Variants in PROSER2 observed in about 807,000 individuals in gnomAD.
PROSER2 encodes proline and serine-rich protein 2.
PROSER2 carries 18 observed loss-of-function variants against 14.6 expected under a neutral mutation model. The ratio of observed to expected loss-of-function variants is 1.23; its 90% CI spans 0.85 to 1.83. The LOEUF is 1.83. PROSER2 is among the 40% of genes most tolerant of loss of function. PROSER2 has a pLI of 0.00. For synonymous variants in PROSER2, 367 were observed against 286.4 expected, an observed-to-expected ratio of 1.28 and a Z score of -2.84; for missense variants, 823 against 629.8, an observed-to-expected ratio of 1.31 and a Z score of -3.28.
At chr10:11,859,203 T>C (rs1475535903) in intron 2 of PROSER2, among the ~76,000 whole-genome samples, 1 of 151,440 alleles carries the variant, frequency 6.6e-6, no homozygotes, top group African/African-American at 2.4e-5. Flanking sequence ...GGGTAGATCA[T>C]TTGAGGTCAG....
At chr10:11,851,436 A>C (rs1021011380) in intron 1 of PROSER2, 9 of 152,200 alleles carry the variant, frequency 5.9e-5, no homozygotes, top group African/African-American at 2.2e-4. Context: ...CCATGGTAAC[A>C]TGTTAGCTCT....
intron 2 of PROSER2, among the ~76,000 whole-genome samples, chr10:11,858,892 C>G (rs1834176227): frequency 6.6e-6 from 1 of 151,014 alleles, no homozygotes; most frequent in African/African-American, 2.4e-5. Context: ...GCCTATAGTC[C>G]CAGCTACTCA....
At chr10:11,867,745 G>C (rs1012059294) in intron 3 of PROSER2, among the ~76,000 whole-genome samples, 1 of 152,240 alleles carries the variant, frequency 6.6e-6, no homozygotes, top group Admixed American at 6.5e-5. Context: ...CTCACGTCCT[G>C]CTGTGCGCCC....
intron 1 of PROSER2, among the ~76,000 whole-genome samples, chr10:11,834,467 G>A (rs1161248051): frequency 6.7e-6 from 1 of 149,968 alleles, no homozygotes; most frequent in Admixed American, 6.7e-5. Flanking sequence ...GGGCGTGGTG[G>A]CTCATGCCTG....
chr10:11,839,733 G>A (rs1016601233), intron 1 of PROSER2, among the ~76,000 whole-genome samples: 3 of 150,638 alleles, frequency 2.0e-5, no homozygotes, highest in African/African-American at 7.3e-5. Flanking sequence ...GCTGAGGCAG[G>A]AGAATCGCTT....
intron 2 of PROSER2, among the ~76,000 whole-genome samples, chr10:11,864,665 T>A (rs1357626496): frequency 6.6e-6 from 1 of 151,436 alleles, no homozygotes; most frequent in Admixed American, 6.6e-5. Context: ...CTTGGCTCAC[T>A]GCAACCTCTG....
At chr10:11,846,603 C>T (rs1032357419) in intron 1 of PROSER2, among the ~76,000 whole-genome samples, 17 of 152,100 alleles carry the variant, frequency 1.1e-4, no homozygotes, top group South Asian at 2.1e-4. Context: ...TTTTTTAGGT[C>T]GATAGCATTT....
chr10:11,859,388 C>T lies in PROSER2; in HGVS notation c.139-7143C>T, dbSNP rs531262957. ...GTTGCAGTGAGCCAAGATCACACCA[C>T]TGCACTCCAAGCTGGGAGACAGAGT... On this transcript the variant is annotated intron_variant, in intron 2 of 3. Transcript: ENST00000277570. 6.6e-5 allele frequency among the ~76,000 whole-genome samples: 10 copies of T among 152,278 alleles called. No homozygotes were observed. In the East Asian group the frequency reaches 1.5e-3, roughly 23 times the overall value.
intron 2 of PROSER2, chr10:11,863,070 T>C (rs935310280): frequency 2.0e-5 from 3 of 152,224 alleles, no homozygotes; most frequent in Non-Finnish European, 4.4e-5. Flanking sequence ...TCCCTAGCAA[T>C]GTTCTGCCTG....
Position 11,869,733 on chromosome 10 carries a change from C to T in PROSER2, c.635C>T (p.Ser212Leu), listed in dbSNP as rs780835062. 2.6e-5 allele frequency: 41 copies of T among 1,588,556 alleles called. 2 individuals are homozygous for T. Among genetic ancestry groups the T allele is most frequent in the Middle Eastern group, 3.3e-4 (2 of 5,972 alleles). ...AGGATGGCGGGGAACGAAGCCCTCT[C>T]GCCCACCTCCCCGTTCAGGGAGGGC... The part of the protein sequence containing the change: ...SERMAGNEAL[S>L]PTSPFREGRP... The change falls in exon 4 of 4, where the codon TCG (serine) becomes TTG (leucine). Residue 212 changes from serine (S) to leucine (L), a missense_variant. Transcript: ENST00000277570. The surrounding 1 kb of genome is among the most constrained non-coding windows in gnomAD (Gnocchi z 4.4).
intron 1 of PROSER2, 46 bp from the exon 2 acceptor site, chr10:11,851,949 TAC>T (rs1247430552): frequency 9.3e-6 from 9 of 971,658 alleles, no homozygotes; most frequent in Non-Finnish European, 1.2e-5. Context: ...TGAGGCGTTT[TAC>T]AGTCTCGGCT....
At position 11,870,402 on chromosome 10, in the gene PROSER2, C is replaced by T. The variant is rs1041551128; in HGVS notation, c.1304C>T (p.Ser435Leu). The change falls in exon 4 of 4, where the codon TCG becomes TTG. Residue 435 changes from serine (S) to leucine (L), a missense_variant. Transcript: ENST00000277570. ...LRKLGLLRES[S>L] ...AAGCTGGGGCTGCTCAGGGAGAGTT[C>T]GTGAGGGCCGCGCGGGCTCCAGTCC... 5.4e-6 allele frequency: 8 copies of T among 1,494,048 alleles called. No individual in the cohort carries two copies. The African/African-American group carries it at 8.8e-5, about 16-fold the overall frequency. The allele number at this position is 1,494,048 out of a possible 1,614,324, so 92.5% of individuals were successfully genotyped here.
intron 1 of PROSER2, among the ~76,000 whole-genome samples, chr10:11,840,046 A>G (rs921136292): frequency 9.3e-5 from 14 of 151,342 alleles, no homozygotes; most frequent in Non-Finnish European, 2.1e-4. Flanking sequence ...TCAGCCTCCC[A>G]GTCTCAAGTG....
chr10:11,857,843 G>T (rs1478677149), intron 2 of PROSER2, among the ~76,000 whole-genome samples: 2 of 152,120 alleles, frequency 1.3e-5, no homozygotes, highest in East Asian at 3.9e-4. Context: ...CTAAGTGCAG[G>T]TGGAGCAGAG....
At chr10:11,848,300 C>G (rs1833956018) in intron 1 of PROSER2, among the ~76,000 whole-genome samples, 1 of 152,202 alleles carries the variant, frequency 6.6e-6, no homozygotes, top group South Asian at 2.1e-4. Flanking sequence ...TCCCAAGTAG[C>G]TGGAATTACA....
chr10:11,825,867 T>G (rs1202938162), intron 1 of PROSER2, among the ~76,000 whole-genome samples: 1 of 152,208 alleles, frequency 6.6e-6, no homozygotes, highest in East Asian at 1.9e-4. Context: ...GCTGTTTATC[T>G]TTTTTATTAT....
At chr10:11,864,338 G>T (rs1324137869) in intron 2 of PROSER2, among the ~76,000 whole-genome samples, 1 of 152,128 alleles carries the variant, frequency 6.6e-6, no homozygotes, top group African/African-American at 2.4e-5. Context: ...CAAACTTAAT[G>T]AAGTTATAAG....
chr10:11,824,807 A>G (rs1833588087), intron 1 of PROSER2, among the ~76,000 whole-genome samples: 1 of 152,224 alleles, frequency 6.6e-6, no homozygotes, highest in African/African-American at 2.4e-5. Context: ...TTTCTCCATT[A>G]CTAGAAATCA....
intron 2 of PROSER2, among the ~76,000 whole-genome samples, chr10:11,864,702 C>T (rs1487789144): frequency 6.6e-6 from 1 of 151,628 alleles, no homozygotes; most frequent in African/African-American, 2.4e-5. Flanking sequence ...GATTCTCCTG[C>T]CTCGGCCTCC....
Sources: allele counts gnomAD v4.1 joint callset (sites outside exome capture counted in the v4.1 genomes callset), GRCh38; gene constraint gnomAD v4.1.1; non-coding constraint Gnocchi (gnomAD v3.1); transcripts MANE v1.5; gene names NCBI Gene and HGNC (gene_info 2026-07-23, HGNC 2026-07-21).